Variants in DNHD1 observed in about 807,000 individuals in gnomAD.
DNHD1 encodes dynein heavy chain domain 1, also known as dynein heavy chain domain-containing protein 1.
A neutral mutation model predicts 458.1 loss-of-function variants in DNHD1; 383 were observed. That is an observed-to-expected ratio of 0.84 (90% CI 0.77 to 0.91). DNHD1 has a LOEUF of 0.91. Ranked by LOEUF, DNHD1 falls within the 40% of genes least tolerant of loss-of-function variation. The pLI, the probability that DNHD1 is intolerant of heterozygous loss-of-function variation, is 0.00. For missense variants in DNHD1, 5,336 were observed against 5,866.1 expected (o/e 0.91, Z 2.95); for synonymous variants, 2,203 against 2,376.9 (o/e 0.93, Z 2.13).
In DNHD1 at chr11:6,557,158, G is replaced by T. The variant is rs1192586566; in HGVS notation, c.7863G>T (p.Glu2621Asp). 6.4e-7 allele frequency: 1 copy of T among 1,551,756 alleles called. No individual in the cohort carries two copies. The highest frequency in any genetic ancestry group is 8.7e-7 in the Non-Finnish European group (1 of 1,147,006). ...TTGTGGACTATCCCAACCACCAGGAGCACTTGCGCCGGGTGTCAGGCCTGC... is the reference window on the plus strand; with the variant it reads ...TTGTGGACTATCCCAACCACCAGGATCACTTGCGCCGGGTGTCAGGCCTGC... ...RGFVDYPNHQ[E>D]HLRRVSGLRG... The change falls in exon 25 of 43, where the codon GAG (glutamate) becomes GAT (aspartate). Residue 2621 changes from glutamate to aspartate, a missense_variant. Glu to Asp is a conservative substitution (Grantham distance 45). This residue lies in a region of DNHD1 where 3,932 missense variants were observed against 4,365.6 expected (regional missense o/e 0.90). Transcript: ENST00000254579.
At chr11:6,512,447 C>G (rs958544142) in intron 7 of DNHD1, among the ~76,000 whole-genome samples, 20 of 151,818 alleles carry the variant, frequency 1.3e-4, no homozygotes, top group African/African-American at 4.8e-4. Context: ...TGGTCTTGAT[C>G]TCCTGACCTT....
Position 6,546,213 on chromosome 11 carries a change from A to T in DNHD1, c.5274A>T (p.Glu1758Asp). ...CTGCCCTGGGCCAGCGCCTGGGTGAACTGCACCACTTGTATGCCCCACTGT... is the reference window on the plus strand; with the variant it reads ...CTGCCCTGGGCCAGCGCCTGGGTGATCTGCACCACTTGTATGCCCCACTGT... ...LLSALGQRLGELHHLYAPLYQ... is the reference protein window; with the variant it reads ...LLSALGQRLGDLHHLYAPLYQ... The change falls in exon 21 of 43, where the codon GAA (glutamate) becomes GAT (aspartate). Residue 1758 changes from glutamate to aspartate, a missense_variant. Physicochemically the swap from Glu to Asp is conservative, Grantham distance 45. Coordinates refer to ENST00000254579, the MANE Select transcript of DNHD1 (RefSeq NM_144666.3). 1.3e-6 allele frequency: 2 copies of T among 1,551,504 alleles called. No homozygotes were observed. Among genetic ancestry groups the T allele is most frequent in the South Asian group, 2.4e-5 (2 of 83,990 alleles).
rs1258772637 is a variant in DNHD1, at chr11:6,538,409, A to T, written c.3025A>T (p.Ile1009Phe). The T allele has an allele frequency of 6.4e-6, 10 of 1,551,548 alleles. No individual in the cohort carries two copies. The East Asian group carries it at 2.4e-4, about 38-fold the overall frequency. Reference protein sequence around the residue: ...TEDETPVPLPICGTRPIVQQQ... With the variant: ...TEDETPVPLPFCGTRPIVQQQ... ...GGATGAGACTCCTGTGCCCTTGCCAATCTGTGGGACACGTCCTATTGTGCA... is the reference window on the plus strand; with the variant it reads ...GGATGAGACTCCTGTGCCCTTGCCATTCTGTGGGACACGTCCTATTGTGCA... The change falls in exon 15 of 43, where the codon ATC becomes TTC. Residue 1009 changes from isoleucine (I) to phenylalanine (F), a missense_variant. This residue lies in a region of DNHD1 where 3,932 missense variants were observed against 4,365.6 expected (regional missense o/e 0.90). Transcript: ENST00000254579.
At position 6,565,768 on chromosome 11, in the gene DNHD1, G is replaced by A. The variant is rs377748114; in HGVS notation, c.10830G>A (p.Glu3610=). The change falls in exon 33 of 43, where the codon GAG becomes GAA. Residue 3610 remains glutamate, a synonymous_variant. Coordinates refer to ENST00000254579, the MANE Select transcript of DNHD1 (RefSeq NM_144666.3). The stretch of plus-strand genomic sequence containing the variant: ...AAGAGGAAGATGATGAGAGTGAAGA[G>A]AGTAATGAGGCTGAGGACCAGACAA... ...DMKEEDDESE[E]SNEAEDQTKE... 2.6e-6 allele frequency: 4 copies of A among 1,551,610 alleles called. No homozygotes were observed. The highest frequency in any genetic ancestry group is 3.5e-6 in the Non-Finnish European group (4 of 1,146,992).
At chr11:6,541,309 TC>T (rs1239746070) in intron 18 of DNHD1, among the ~76,000 whole-genome samples, 1 of 152,158 alleles carries the variant, frequency 6.6e-6, no homozygotes, top group East Asian at 1.9e-4. Flanking sequence ...ACAGCAACTT[TC>T]CCCCCACCAA....
chr11:6,547,157 A>C lies in DNHD1; in HGVS notation c.6218A>C (p.Gln2073Pro). Residue 2073 changes from glutamine (Q) to proline (P), a missense_variant, in exon 21 of 43, where the codon CAG becomes CCG. Physicochemically the swap from Gln to Pro is moderately conservative, Grantham distance 76. This residue lies in a region of DNHD1 where 3,932 missense variants were observed against 4,365.6 expected (regional missense o/e 0.90). Transcript: ENST00000254579. Reference sequence around the variant, plus strand: ...TGTAACAACATGGGCCAAAAGAGGCAGACAGAGGAATCAATCGGGATCCAG... The same window carrying C: ...TGTAACAACATGGGCCAAAAGAGGCCGACAGAGGAATCAATCGGGATCCAG... ...GQCNNMGQKR[Q>P]TEESIGIQHW... is the part of the protein sequence containing the mutation. 6.4e-7 allele frequency: 1 copy of C among 1,551,788 alleles called. No homozygotes were observed. The highest frequency in any genetic ancestry group is 8.7e-7 in the Non-Finnish European group (1 of 1,147,000).
rs866258459 is a variant in DNHD1, at chr11:6,557,144, C to T, written c.7849C>T (p.Pro2617Ser). ...RTGSRGFVDY[P>S]NHQEHLRRVS... ...AGGCTCCCGAGGTTTTGTGGACTAT[C>T]CCAACCACCAGGAGCACTTGCGCCG... Residue 2617 changes from proline to serine, a missense_variant, in exon 25 of 43, where the codon CCC becomes TCC. By Grantham distance (74) the Pro-to-Ser change is moderately conservative. Transcript: ENST00000254579. The T allele has an allele frequency of 3.9e-6, 6 of 1,551,636 alleles. No homozygotes were observed. The African/African-American group carries it at 8.2e-5, about 21-fold the overall frequency.
chr11:6,528,668 G>GT lies in DNHD1; in HGVS notation c.1985dup (p.Arg663ProfsTer15). 2 of 1,551,740 alleles carry GT rather than the reference G, an allele frequency of 1.3e-6. No homozygotes were observed. Among genetic ancestry groups the GT allele is most frequent in the Non-Finnish European group, 1.7e-6 (2 of 1,147,010 alleles). ...TCACCCAATTGCTGGTATCTTGGAG[G>GT]TCCGTGGATGTCGGCTGCGGGGCCA... is the stretch of plus-strand genomic sequence containing the variant. On this transcript the variant is annotated frameshift_variant, in exon 11 of 43. Coordinates refer to ENST00000254579, the MANE Select transcript of DNHD1 (RefSeq NM_144666.3). LOFTEE classifies it high-confidence loss of function.
Position 6,548,351 on chromosome 11 carries a change from C to G in DNHD1, c.7047C>G (p.Tyr2349Ter). 1 of 1,551,698 alleles carries G rather than the reference C, an allele frequency of 6.4e-7. No homozygotes were observed. Among genetic ancestry groups the G allele is most frequent in the East Asian group, 2.4e-5 (1 of 40,922 alleles). ...DGTLVPFTGQYLSSHIKGTLG... is the reference protein window; with the variant it reads ...DGTLVPFTGQ ...CACTGGTCCCCTTCACTGGCCAATA[C>G]CTGAGCAGCCACATCAAAGGAACTT... Residue 2349 changes from tyrosine to a stop codon, truncating the protein, a stop_gained, in exon 23 of 43, where the codon TAC becomes TAG. Transcript: ENST00000254579. LOFTEE classifies it high-confidence loss of function. The surrounding 1 kb of genome is among the most constrained non-coding windows in gnomAD (Gnocchi z 4.4).
At chr11:6,550,555 A>G (rs554147875) in intron 24 of DNHD1, among the ~76,000 whole-genome samples, 40 of 152,328 alleles carry the variant, frequency 2.6e-4, no homozygotes, top group Middle Eastern at 6.8e-3. Flanking sequence ...AAATAATGTG[A>G]CCTGCTGTCA....
At chr11:6,503,296 G>A (rs1178094613) in intron 4 of DNHD1, 1 of 168,700 alleles carries the variant, frequency 5.9e-6, no homozygotes, top group Non-Finnish European at 1.3e-5. Flanking sequence ...AATCTTTACA[G>A]TGTCAGGAAA....
rs1346814013 is a variant in DNHD1, at chr11:6,544,216, T to C, written c.3724T>C (p.Leu1242=). 1 of 1,551,360 alleles carries C rather than the reference T, an allele frequency of 6.4e-7. No individual in the cohort carries two copies. The highest frequency in any genetic ancestry group is 1.4e-5 in the African/African-American group (1 of 73,078). The stretch of plus-strand genomic sequence containing the variant: ...GTCAGGAGATTTAAACAAAATAGCT[T>C]TGGAGTGGGTGGCCATCATGCATGG... ...EKSGDLNKIA[L]EWVAIMHGLG... is the part of the protein sequence containing the mutation. Residue 1242 remains leucine, a synonymous_variant, in exon 19 of 43, where the codon TTG becomes CTG. Coordinates refer to ENST00000254579, the MANE Select transcript of DNHD1 (RefSeq NM_144666.3).
In DNHD1 at chr11:6,563,464, A is replaced by C; in HGVS notation, c.9752A>C (p.Glu3251Ala). 6.4e-7 allele frequency: 1 copy of C among 1,551,676 alleles called. No homozygotes were observed. The highest frequency in any genetic ancestry group is 2.4e-5 in the East Asian group (1 of 40,922). ...EEIRSYRAPP[E>A]SVVRVTDAMC... ...ATACGGAGCTATCGAGCACCACCAG[A>C]ATCTGTGGTCCGGGTAACTGATGCA... The change falls in exon 30 of 43, where the codon GAA (glutamate) becomes GCA (alanine). Residue 3251 changes from glutamate to alanine, a missense_variant. Coordinates refer to ENST00000254579, the MANE Select transcript of DNHD1 (RefSeq NM_144666.3).
In DNHD1 at chr11:6,551,751, G is replaced by A. The variant is rs185489707; in HGVS notation, c.7387+2818G>A. On this transcript the variant is annotated intron_variant, in intron 24 of 42. Transcript: ENST00000254579. ...AGGTCAGGAGATGGAGACCATCCTG[G>A]CCAACATGGTGAAACCCCGTCTCTA... Among the ~76,000 whole-genome samples the A allele has an allele frequency of 5.0e-4, 76 of 152,292 alleles. 1 individual carries two copies. In the East Asian group the frequency reaches 0.013, roughly 25 times the overall value.
At position 6,570,973 on chromosome 11, in the gene DNHD1, C is replaced by T. The variant is rs1286882714; in HGVS notation, c.13461C>T (p.Thr4487=). The change falls in exon 42 of 43, where the codon ACC becomes ACT. Residue 4487 remains threonine (T), a synonymous_variant. Transcript: ENST00000254579. The part of the protein sequence containing the change: ...ARRPLEGVLE[T]EALELSQLVG... ...GGCCTCTGGAGGGCGTCTTAGAGAC[C>T]GAGGCTCTAGAACTGAGCCAGTTGG... 2 of 1,606,048 alleles carry T rather than the reference C, an allele frequency of 1.2e-6. No homozygotes were observed. Among genetic ancestry groups the T allele is most frequent in the African/African-American group, 2.7e-5 (2 of 74,764 alleles).
At chr11:6,556,536 G>A in intron 24 of DNHD1, 147 bp from the exon 25 acceptor site, 1 of 706,112 alleles carries the variant, frequency 1.4e-6, no homozygotes, top group Non-Finnish European at 2.3e-6. Flanking sequence ...GGGGGAGGGA[G>A]AATAGCTTAC....
chr11:6,568,562 G>C lies in DNHD1; in HGVS notation c.12647G>C (p.Ser4216Thr). The change falls in exon 38 of 43, where the codon AGT becomes ACT. Residue 4216 changes from serine (S) to threonine (T), a missense_variant. Ser to Thr is a moderately conservative substitution (Grantham distance 58). Coordinates refer to ENST00000254579, the MANE Select transcript of DNHD1 (RefSeq NM_144666.3). ...TGGCTTATTGTGCCTGCAGAGTCTA[G>C]TGCTTCTTTGCCAGGTGAGGAGCTT... ...RLWLIVPAESSASLPAVLTQH... is the reference protein window; with the variant it reads ...RLWLIVPAESTASLPAVLTQH... 1 of 1,614,006 alleles carries C rather than the reference G, an allele frequency of 6.2e-7. No homozygotes were observed. Among genetic ancestry groups the C allele is most frequent in the Non-Finnish European group, 8.5e-7 (1 of 1,179,898 alleles).
intron 12 of DNHD1, 47 bp from the exon 13 acceptor site, chr11:6,532,978 ACC>A (rs1467849823): frequency 7.8e-6 from 12 of 1,531,488 alleles, no homozygotes; most frequent in African/African-American, 1.4e-5. Context: ...TGTCCCCAGC[ACC>A]CCTTCTTTTT....
intron 12 of DNHD1, among the ~76,000 whole-genome samples, chr11:6,529,806 G>T (rs1388428551): frequency 6.6e-6 from 1 of 152,170 alleles, no homozygotes; most frequent in African/African-American, 2.4e-5. Context: ...TCCTGGGCTG[G>T]TAGAGCTGCG....
Sources: allele counts gnomAD v4.1 joint callset (sites outside exome capture counted in the v4.1 genomes callset), GRCh38; gene constraint gnomAD v4.1.1; regional missense constraint gnomAD v4.1.1; non-coding constraint Gnocchi (gnomAD v3.1); transcripts MANE v1.5; gene names NCBI Gene and HGNC (gene_info 2026-07-23, HGNC 2026-07-21).